Variants in ABCC1 observed in about 807,000 individuals in gnomAD.
ABCC1 encodes ATP binding cassette subfamily C member 1 (ABCC1 blood group), also known as multidrug resistance-associated protein 1.
Under a neutral mutation model 172.9 loss-of-function variants are expected in ABCC1, and 83 were observed. The ratio of observed to expected loss-of-function variants is 0.48; its 90% CI spans 0.40 to 0.58. The LOEUF (loss-of-function observed/expected upper bound fraction) is 0.58. ABCC1 is among the 20% of genes least tolerant of loss of function. The pLI, the probability that ABCC1 is intolerant of heterozygous loss-of-function variation, is 0.00. For synonymous variants in ABCC1, 937 were observed against 825.2 expected (o/e 1.14, Z -2.32); for missense variants, 1,817 against 2,002.7 (o/e 0.91, Z 1.77).
chr16:15,975,688 C>G (rs541936599), intron 1 of ABCC1, among the ~76,000 whole-genome samples: 1 of 151,902 alleles, frequency 6.6e-6, no homozygotes, highest in African/African-American at 2.4e-5. Flanking sequence ...TCCTGAGTAG[C>G]TGGGATTACA....
At chr16:16,136,246 ACTC>A (rs2045912941) in intron 28 of ABCC1, among the ~76,000 whole-genome samples, 1 of 151,828 alleles carries the variant, frequency 6.6e-6, no homozygotes, top group South Asian at 2.1e-4. Context: ...CTGGTCTCGA[ACTC>A]CTGACCTTAA....
intron 1 of ABCC1, among the ~76,000 whole-genome samples, chr16:15,999,800 T>TC (rs1393472770): frequency 2.9e-5 from 1 of 33,920 alleles, no homozygotes; most frequent in African/African-American, 7.4e-5. Context: ...TCTCTCTCTC[T>TC]CTCTCTCTCC....
At chr16:16,098,484 T>G (rs1448826979) in intron 19 of ABCC1, among the ~76,000 whole-genome samples, 2 of 152,202 alleles carry the variant, frequency 1.3e-5, no homozygotes, top group Non-Finnish European at 2.9e-5. Flanking sequence ...CCAGGTGTGG[T>G]GGCGGGCACC....
chr16:16,045,270 C>CGCCT (rs2049157270), intron 8 of ABCC1, among the ~76,000 whole-genome samples: 1 of 151,682 alleles, frequency 6.6e-6, no homozygotes, highest in African/African-American at 2.4e-5. Flanking sequence ...TGGTGGTGCA[C>CGCCT]GCCTGTAATC....
At chr16:16,001,085 C>T (rs1323202421) in intron 1 of ABCC1, among the ~76,000 whole-genome samples, 2 of 152,210 alleles carry the variant, frequency 1.3e-5, no homozygotes, top group Non-Finnish European at 2.9e-5. Context: ...TTGGTAAATA[C>T]TTCTTTAAGT....
At position 16,136,558 on chromosome 16, in the gene ABCC1, C is replaced by T. The variant is rs199993526; in HGVS notation, c.4206C>T (p.Ser1402=). Reference sequence around the variant, plus strand: ...ACTCGGATGAAGAAGTCTGGACGTCCCTGGAGCTGGCCCACCTGAAGGACT... The same window carrying T: ...ACTCGGATGAAGAAGTCTGGACGTCTCTGGAGCTGGCCCACCTGAAGGACT... ...SQYSDEEVWT[S]LELAHLKDFV... The change falls in exon 29 of 31, where the codon TCC becomes TCT. Residue 1402 remains serine (S), a synonymous_variant. Transcript: ENST00000399410. The T allele has an allele frequency of 2.8e-4, 455 of 1,614,052 alleles. No homozygotes were observed. The highest frequency in any genetic ancestry group is 3.8e-4 in the Non-Finnish European group (444 of 1,180,040).
intron 5 of ABCC1, among the ~76,000 whole-genome samples, chr16:16,022,995 T>A (rs1370243077): frequency 6.6e-6 from 1 of 152,192 alleles, no homozygotes; most frequent in Non-Finnish European, 1.5e-5. Context: ...CACTGCAGCC[T>A]CCAACTCCTG....
chr16:15,965,041 T>A (rs1307614147), intron 1 of ABCC1, among the ~76,000 whole-genome samples: 2 of 152,202 alleles, frequency 1.3e-5, no homozygotes, highest in Non-Finnish European at 2.9e-5. Flanking sequence ...GCTATTGTTT[T>A]CCTATTGGCA....
intron 30 of ABCC1, among the ~76,000 whole-genome samples, chr16:16,140,568 T>A (rs1226902236): frequency 6.6e-6 from 1 of 152,160 alleles, no homozygotes; most frequent in East Asian, 1.9e-4. Context: ...GCTTTTGAAA[T>A]ATAGGACATA....
chr16:16,072,763 C>T (rs967725487), intron 14 of ABCC1, among the ~76,000 whole-genome samples: 15 of 151,778 alleles, frequency 9.9e-5, no homozygotes, highest in African/African-American at 3.1e-4. Flanking sequence ...AATATTAGGC[C>T]GGGCACAGTG....
At position 16,107,144 on chromosome 16, in the gene ABCC1, A is replaced by G. The variant is rs551292037; in HGVS notation, c.2871+271A>G. On this transcript the variant is annotated intron_variant, in intron 21 of 30. Coordinates refer to ENST00000399410, the MANE Select transcript of ABCC1 (RefSeq NM_004996.4). ...TCTCTGCTCTATTGACTGCCTGAGC[A>G]GCTCAGGGGGGTCTCATTCGCTAGA... 2.2e-3 allele frequency among the ~76,000 whole-genome samples: 340 copies of G among 152,248 alleles called. 1 individual carries two copies. The highest frequency in any genetic ancestry group is 7.8e-3 in the African/African-American group (323 of 41,532).
At chr16:16,038,063 T>TGG (rs1317144069) in intron 7 of ABCC1, among the ~76,000 whole-genome samples, 28 of 151,700 alleles carry the variant, frequency 1.8e-4, no homozygotes, top group African/African-American at 6.1e-4. Flanking sequence ...GATGGATGGA[T>TGG]AGATGATAGA....
chr16:16,064,398 A>T (rs1013603316), intron 12 of ABCC1, among the ~76,000 whole-genome samples: 2 of 152,148 alleles, frequency 1.3e-5, no homozygotes, highest in African/African-American at 4.8e-5. Flanking sequence ...CAGGGTTGCC[A>T]AGCCCACCTC....
chr16:15,993,451 C>A (rs930221677), intron 1 of ABCC1, among the ~76,000 whole-genome samples: 4 of 152,074 alleles, frequency 2.6e-5, no homozygotes, highest in African/African-American at 4.8e-5. Context: ...TGCTTTAGGG[C>A]AGCAGGGATG....
chr16:15,982,803 C>CAA (rs148834444), intron 1 of ABCC1, among the ~76,000 whole-genome samples: 4,003 of 43,172 alleles, frequency 0.093, 444 homozygotes, highest in Middle Eastern at 0.21. Flanking sequence ...GAGACGCTGT[C>CAA]AAAAAAAAAA....
intron 1 of ABCC1, among the ~76,000 whole-genome samples, chr16:15,983,995 C>G (rs999326553): frequency 1.3e-5 from 2 of 152,168 alleles, no homozygotes; most frequent in African/African-American, 4.8e-5. Flanking sequence ...CTCCTCTAGG[C>G]TTATGAGCCA....
At chr16:15,979,851 C>T (rs1296930145) in intron 1 of ABCC1, among the ~76,000 whole-genome samples, 1 of 152,058 alleles carries the variant, frequency 6.6e-6, no homozygotes, top group Non-Finnish European at 1.5e-5. Flanking sequence ...GCCTTGTGAT[C>T]ACAAATGCTA....
intron 16 of ABCC1, among the ~76,000 whole-genome samples, chr16:16,082,057 G>A (rs2050824993): frequency 6.6e-6 from 1 of 152,208 alleles, no homozygotes; most frequent in South Asian, 2.1e-4. Flanking sequence ...CTCTGATAAA[G>A]CCCATGCTCC....
chr16:16,134,455 A>G lies in ABCC1; in HGVS notation c.4072A>G (p.Ile1358Val), dbSNP rs748304306. 6.8e-6 allele frequency: 11 copies of G among 1,614,034 alleles called. No individual in the cohort carries two copies. The East Asian group carries it at 1.1e-4, about 16-fold the overall frequency. ...AGAGATCATCATCGATGGCATCAAC[A>G]TCGCCAAGATCGGCCTGCACGACCT... is the stretch of plus-strand genomic sequence containing the variant. ...EGEIIIDGIN[I>V]AKIGLHDLRF... The change falls in exon 28 of 31, where the codon ATC (isoleucine) becomes GTC (valine). Residue 1358 changes from isoleucine (I) to valine (V), a missense_variant. Coordinates refer to ENST00000399410, the MANE Select transcript of ABCC1 (RefSeq NM_004996.4).
Sources: gnomAD v4.1 joint callset for allele counts (sites outside exome capture counted in the v4.1 genomes callset) on GRCh38, gnomAD v4.1.1 for gene constraint, MANE v1.5 for transcripts, NCBI Gene and HGNC (gene_info 2026-07-23, HGNC 2026-07-21) for gene names.